The following ENTPD1 variants were observed in gnomAD, a reference collection of about 807,000 sequenced individuals.
ENTPD1 encodes ectonucleoside triphosphate diphosphohydrolase 1, also known as ATP diphosphohydrolase.
A neutral mutation model predicts 57.0 loss-of-function variants in ENTPD1; 33 were observed. That is an observed-to-expected ratio of 0.58 (90% CI 0.44 to 0.77). The LOEUF is 0.77. Among genes scored for constraint, ENTPD1 ranks in the 30% least tolerant of loss-of-function variants. ENTPD1 has a pLI of 0.00. For missense variants in ENTPD1, 501 were observed against 603.4 expected (o/e 0.83, Z 1.78); for synonymous variants, 202 against 218.8 (o/e 0.92, Z 0.68).
At chr10:95,726,364 G>A (rs1320163583) in intron 1 of ENTPD1, among the ~76,000 whole-genome samples, 2 of 152,016 alleles carry the variant, frequency 1.3e-5, no homozygotes, top group Non-Finnish European at 2.9e-5. Flanking sequence ...TCATATTTTT[G>A]TTGTGTTCTT....
At chr10:95,711,196 G>T (rs920615350), upstream of ENTPD1, among the ~76,000 whole-genome samples, 1 of 152,130 alleles carries the variant, frequency 6.6e-6, no homozygotes, top group African/African-American at 2.4e-5. Flanking sequence ...TGGCCATAAA[G>T]AAATGATCTG....
rs1228533110 is a variant in ENTPD1, at chr10:95,866,926, A to C, written c.*543A>C. On this transcript the variant is annotated 3_prime_UTR_variant, in exon 10 of 10. Coordinates refer to ENST00000371205, the MANE Select transcript of ENTPD1 (RefSeq NM_001776.6). ...TTTCTACAGTAGGCAAATATGTGCT[A>C]AAGCCAAAGAGTTTTATAAGGAAAT... 9.8e-7 allele frequency: 1 copy of C among 1,016,088 alleles called. No homozygotes were observed. The highest frequency in any genetic ancestry group is 1.7e-5 in the African/African-American group (1 of 57,726). The allele number at this position is 1,016,088 out of a possible 1,614,324, so 62.9% of individuals were successfully genotyped here. A position where few individuals can be genotyped will look rare whatever the true frequency, so the allele number is the denominator to read the frequency against.
Position 95,876,509 on chromosome 10 carries a change from G to A in ENTPD1, c.*10126G>A. ...TCCTATTCTGTATCTGTATCTCTTG[G>A]ATTTTTACCTTTGCAATAGTCAACT... On this transcript the variant is annotated 3_prime_UTR_variant, in exon 10 of 10. Coordinates refer to ENST00000371205, the MANE Select transcript of ENTPD1 (RefSeq NM_001776.6). 8.1e-7 allele frequency: 1 copy of A among 1,231,128 alleles called. No individual in the cohort carries two copies. Among genetic ancestry groups the A allele is most frequent in the South Asian group, 4.1e-5 (1 of 24,300 alleles). The allele number at this position is 1,231,128 out of a possible 1,614,324, so 76.3% of individuals were successfully genotyped here.
intron 1 of ENTPD1, among the ~76,000 whole-genome samples, chr10:95,799,543 G>C (rs1299848632): frequency 1.3e-5 from 2 of 152,052 alleles, no homozygotes; most frequent in African/African-American, 4.8e-5. Flanking sequence ...TCTGGTCTAT[G>C]ATTGATGGGC....
At chr10:95,839,335 T>C (rs2098417824) in intron 2 of ENTPD1, 1 of 322,490 alleles carries the variant, frequency 3.1e-6, no homozygotes. Context: ...TTGGGGACTA[T>C]AGATTAATGG....
upstream of ENTPD1, among the ~76,000 whole-genome samples, chr10:95,710,561 CT>C (rs1264321186): frequency 8.5e-5 from 13 of 152,180 alleles, no homozygotes; most frequent in South Asian, 2.7e-3. Context: ...CATCTCCTTG[CT>C]TTTTAAGAGA....
chr10:95,760,106 A>G (rs78343144), intron 1 of ENTPD1, among the ~76,000 whole-genome samples: 5,672 of 152,296 alleles, frequency 0.037, 131 homozygotes, highest in Non-Finnish European at 0.049. Context: ...AATGTGCTAT[A>G]TTTGCACCTG....
chr10:95,860,606 C>G (rs1264428915), intron 8 of ENTPD1, 24 bp downstream of exon 8: 1 of 1,591,668 alleles, frequency 6.3e-7, no homozygotes, highest in Non-Finnish European at 8.6e-7. Context: ...CACAGCAGCT[C>G]TAACAGCATG....
At chr10:95,847,401 C>G (rs1338968750) in intron 6 of ENTPD1, 45 bp from the exon 7 acceptor site, 41 of 1,611,458 alleles carry the variant, frequency 2.5e-5, no homozygotes, top group Non-Finnish European at 3.5e-5. Flanking sequence ...CCTTTTGTAT[C>G]CAAAGCGTTC....
rs2098475356 is a variant in ENTPD1, at chr10:95,867,093, T to C, written c.*710T>C. 2.0e-6 allele frequency: 2 copies of C among 986,738 alleles called. No individual in the cohort carries two copies. Among genetic ancestry groups the C allele is most frequent in the Non-Finnish European group, 2.4e-6 (2 of 830,890 alleles). The allele number at this position is 986,738 out of a possible 1,614,324, so 61.1% of individuals were successfully genotyped here. ...TTTGCAAAAAGCAGATGTAAATATA[T>C]GCATTCAAACATCAGGGCTTACTAT... On this transcript the variant is annotated 3_prime_UTR_variant, in exon 10 of 10. Transcript: ENST00000371205.
At chr10:95,826,178 A>G (rs2098375571) in intron 2 of ENTPD1, among the ~76,000 whole-genome samples, 1 of 152,176 alleles carries the variant, frequency 6.6e-6, no homozygotes, top group Admixed American at 6.5e-5. Flanking sequence ...TTGCCACCAA[A>G]TGAAAGTTTT....
chr10:95,760,482 T>C (rs1277801356), intron 1 of ENTPD1, among the ~76,000 whole-genome samples: 1 of 152,220 alleles, frequency 6.6e-6, no homozygotes, highest in African/African-American at 2.4e-5. Flanking sequence ...TATCCTTCAC[T>C]ATGGGTCGTG....
At chr10:95,848,905 C>T (rs180712099) in intron 7 of ENTPD1, among the ~76,000 whole-genome samples, 6 of 151,994 alleles carry the variant, frequency 3.9e-5, no homozygotes, top group East Asian at 1.9e-4. Context: ...ACTTCATAAG[C>T]GAGGAAGAAG....
chr10:95,862,842 A>C (rs1461201804), intron 8 of ENTPD1, among the ~76,000 whole-genome samples: 2 of 152,212 alleles, frequency 1.3e-5, no homozygotes, highest in African/African-American at 2.4e-5. Flanking sequence ...AGCCTCATGA[A>C]TATTTAGCCT....
Position 95,801,031 on chromosome 10 carries a change from C to G in ENTPD1, c.17-22206C>G, listed in dbSNP as rs139740313. 2.3e-4 allele frequency among the ~76,000 whole-genome samples: 35 copies of G among 152,208 alleles called. No homozygotes were observed. The East Asian group carries it at 6.2e-3, about 27-fold the overall frequency. On this transcript the variant is annotated intron_variant, in intron 1 of 9. Transcript: ENST00000371205. Reference sequence around the variant, plus strand: ...CCATGAAATCTTCACAATTTATGTTCAGAGATTGCAGTAAAGACAGGCATA... The same window carrying G: ...CCATGAAATCTTCACAATTTATGTTGAGAGATTGCAGTAAAGACAGGCATA...
chr10:95,716,102 G>A (rs7906446), intron 1 of ENTPD1, among the ~76,000 whole-genome samples: 2,794 of 152,258 alleles, frequency 0.018, 89 homozygotes, highest in African/African-American at 0.064. Flanking sequence ...TTGGTCTCTA[G>A]CAATCCTCCT....
intron 1 of ENTPD1, chr10:95,756,534 C>A: frequency 2.2e-6 from 1 of 457,834 alleles, no homozygotes; most frequent in Admixed American, 3.7e-5. Flanking sequence ...TTTTTAGAGG[C>A]AAATGACTTT....
At chr10:95,801,450 T>C (rs1426191492) in intron 1 of ENTPD1, among the ~76,000 whole-genome samples, 2 of 152,202 alleles carry the variant, frequency 1.3e-5, no homozygotes, top group African/African-American at 4.8e-5. Context: ...ATTTATTGAA[T>C]AGGGAATCCT....
chr10:95,867,789 C>A lies in ENTPD1; in HGVS notation c.*1406C>A. The A allele has an allele frequency of 2.0e-6, 2 of 985,384 alleles. No homozygotes were observed. Among genetic ancestry groups the A allele is most frequent in the Non-Finnish European group, 1.2e-6 (1 of 829,914 alleles). The allele number at this position is 985,384 out of a possible 1,614,324, so 61.0% of individuals were successfully genotyped here. A position where few individuals can be genotyped will look rare whatever the true frequency, so the allele number is the denominator to read the frequency against. On this transcript the variant is annotated 3_prime_UTR_variant, in exon 10 of 10. Transcript: ENST00000371205. Reference sequence around the variant, plus strand: ...CTAGATCTGGGGACTGACTGTTGAGCTGATGGGGAAAGAAAAGCTCTCACA... The same window carrying A: ...CTAGATCTGGGGACTGACTGTTGAGATGATGGGGAAAGAAAAGCTCTCACA...
Sources: gnomAD v4.1 joint callset for allele counts (sites outside exome capture counted in the v4.1 genomes callset) on GRCh38, gnomAD v4.1.1 for gene constraint, MANE v1.5 for transcripts, NCBI Gene and HGNC (gene_info 2026-07-23, HGNC 2026-07-21) for gene names.